Variants in WWOX observed in about 807,000 individuals in gnomAD.
WWOX encodes WW domain-containing oxidoreductase.
In WWOX, 69 loss-of-function variants were observed where a neutral mutation model predicts 46.2. That is an observed-to-expected ratio of 1.49 (90% CI 1.23 to 1.82). WWOX has a LOEUF of 1.82. WWOX is among the 40% of genes most tolerant of loss of function. The pLI is 0.00. For missense variants in WWOX, 919 were observed against 542.6 expected (o/e 1.69, Z -6.89); for synonymous variants, 359 against 202.6 (o/e 1.77, Z -6.56).
chr16:78,298,684 A>C (rs1246171463), intron 5 of WWOX, among the ~76,000 whole-genome samples: 1 of 151,938 alleles, frequency 6.6e-6, no homozygotes, highest in African/African-American at 2.4e-5. Flanking sequence ...CCAGCTACTT[A>C]GGAGGCTGAG....
intron 4 of WWOX, among the ~76,000 whole-genome samples, chr16:78,149,514 C>A (rs1279905259): frequency 6.6e-6 from 1 of 152,152 alleles, no homozygotes; most frequent in Non-Finnish European, 1.5e-5. Context: ...TTCCATACAG[C>A]AGGTAGGTTT....
intron 8 of WWOX, among the ~76,000 whole-genome samples, chr16:79,009,421 G>A (rs772495917): frequency 6.6e-6 from 1 of 152,038 alleles, no homozygotes; most frequent in Non-Finnish European, 1.5e-5. Context: ...AGAGGAGTGG[G>A]CAAAAGGAGA....
intron 8 of WWOX, among the ~76,000 whole-genome samples, chr16:78,478,463 T>C (rs1032536589): frequency 3.9e-5 from 6 of 152,192 alleles, no homozygotes; most frequent in African/African-American, 1.4e-4. Flanking sequence ...AAAGCGATGA[T>C]AATGACGTAT....
At chr16:78,780,762 G>C (rs1032360502) in intron 8 of WWOX, among the ~76,000 whole-genome samples, 1 of 152,216 alleles carries the variant, frequency 6.6e-6, no homozygotes, top group African/African-American at 2.4e-5. Flanking sequence ...GCTAGAACAA[G>C]AAAGGGGCCC....
chr16:79,005,268 A>G (rs1426610816), intron 8 of WWOX, among the ~76,000 whole-genome samples: 4 of 152,152 alleles, frequency 2.6e-5, no homozygotes, highest in Non-Finnish European at 5.9e-5. Context: ...CTCCAGCCAA[A>G]GTCCAAGGTT....
At chr16:78,379,539 G>A (rs570941392) in intron 5 of WWOX, among the ~76,000 whole-genome samples, 14 of 152,296 alleles carry the variant, frequency 9.2e-5, no homozygotes, top group African/African-American at 2.9e-4. Context: ...CTGCTGCTTT[G>A]TGCTGCTAGA....
intron 8 of WWOX, among the ~76,000 whole-genome samples, chr16:78,680,481 G>C (rs1038886992): frequency 6.6e-6 from 1 of 152,066 alleles, no homozygotes; most frequent in Non-Finnish European, 1.5e-5. Context: ...GCATGATCAT[G>C]CCACTTCACT....
intron 6 of WWOX, among the ~76,000 whole-genome samples, chr16:78,395,264 A>G (rs561329259): frequency 6.6e-6 from 1 of 152,314 alleles, no homozygotes; most frequent in East Asian, 1.9e-4. Context: ...CATGCCTGTT[A>G]TCCCAGCACT....
At chr16:78,193,384 C>T (rs1000571965) in intron 5 of WWOX, among the ~76,000 whole-genome samples, 7 of 151,968 alleles carry the variant, frequency 4.6e-5, no homozygotes, top group East Asian at 1.9e-4. Flanking sequence ...GCTAAAACCA[C>T]GAACATACAT....
chr16:78,648,614 C>T (rs1331254663), intron 8 of WWOX, among the ~76,000 whole-genome samples: 1 of 152,304 alleles, frequency 6.6e-6, no homozygotes, highest in South Asian at 2.1e-4. Flanking sequence ...GCAGGACCAA[C>T]CAGAGAAAGC....
intron 8 of WWOX, among the ~76,000 whole-genome samples, chr16:78,586,550 C>T (rs1274310506): frequency 6.6e-6 from 1 of 152,170 alleles, no homozygotes; most frequent in Non-Finnish European, 1.5e-5. Context: ...TTGCAATACG[C>T]TTGTTATCTC....
chr16:78,313,707 T>A (rs1283004333), intron 5 of WWOX, among the ~76,000 whole-genome samples: 2 of 152,090 alleles, frequency 1.3e-5, no homozygotes, highest in Non-Finnish European at 2.9e-5. Flanking sequence ...CTTTCTTCTC[T>A]GTCGATGTCC....
intron 8 of WWOX, among the ~76,000 whole-genome samples, chr16:78,835,255 C>A (rs1484783901): frequency 2.0e-5 from 3 of 152,260 alleles, no homozygotes; most frequent in Non-Finnish European, 2.9e-5. Flanking sequence ...AATTTATTCA[C>A]CTTCCGAGAT....
intron 8 of WWOX, among the ~76,000 whole-genome samples, chr16:78,590,751 C>T (rs898103288): frequency 2.0e-5 from 3 of 152,150 alleles, no homozygotes; most frequent in African/African-American, 7.2e-5. Context: ...TAGATGGGAT[C>T]AGTGCCAGGT....
At chr16:78,883,922 T>C (rs1241850813) in intron 8 of WWOX, among the ~76,000 whole-genome samples, 2 of 152,078 alleles carry the variant, frequency 1.3e-5, no homozygotes, top group Non-Finnish European at 2.9e-5. Flanking sequence ...CATCAGTTGG[T>C]ATAACCATTT....
chr16:78,730,809 T>C (rs753676507), intron 8 of WWOX, among the ~76,000 whole-genome samples: 9 of 152,022 alleles, frequency 5.9e-5, no homozygotes, highest in Non-Finnish European at 1.3e-4. Context: ...TTTTCTCTTG[T>C]GGCTTATCAC....
In WWOX at chr16:78,321,358, GCGTATATATATA is replaced by G. The variant is rs1415212080; in HGVS notation, c.517-65492_517-65481del. Among the ~76,000 whole-genome samples the G allele has an allele frequency of 3.0e-4, 10 of 33,696 alleles. 1 individual carries two copies. Among genetic ancestry groups the G allele is most frequent in the East Asian group, 5.3e-3 (1 of 188 alleles). 22.1% of individuals were successfully genotyped at this position (33,696 alleles called of 152,430 possible). ...TATGCGTATATATATACGTATATAT[GCGTATATATATA>G]CGTATATATGCGTATATATATACGT... On this transcript the variant is annotated intron_variant, in intron 5 of 8. Transcript: ENST00000566780.
intron 8 of WWOX, among the ~76,000 whole-genome samples, chr16:78,833,135 A>G (rs949848436): frequency 1.3e-5 from 2 of 150,908 alleles, no homozygotes; most frequent in African/African-American, 4.9e-5. Context: ...TCCAACTCCT[A>G]GGCTCAAGCG....
At chr16:78,477,011 G>T (rs2084366638) in intron 8 of WWOX, among the ~76,000 whole-genome samples, 1 of 151,542 alleles carries the variant, frequency 6.6e-6, no homozygotes, top group African/African-American at 2.4e-5. Flanking sequence ...CTGCGCTTTT[G>T]TTGGTAATTA....
Sources: allele counts gnomAD v4.1 joint callset (sites outside exome capture counted in the v4.1 genomes callset), GRCh38; gene constraint gnomAD v4.1.1; transcripts MANE v1.5; gene names NCBI Gene and HGNC (gene_info 2026-07-23, HGNC 2026-07-21).